The following CTNNA3 variants were observed in gnomAD, a reference collection of about 807,000 sequenced individuals.
CTNNA3 encodes the protein catenin alpha 3.
CTNNA3 carries 76 observed loss-of-function variants against 95.7 expected under a neutral mutation model. The observed-to-expected ratio is 0.79, with a 90% CI of 0.66 to 0.96. The LOEUF (loss-of-function observed/expected upper bound fraction) is 0.96. Among genes scored for constraint, CTNNA3 ranks in the 40% least tolerant of loss-of-function variants. The pLI, the probability that CTNNA3 is intolerant of heterozygous loss-of-function variation, is 0.00. For missense variants in CTNNA3, 1,191 were observed against 1,089.8 expected (o/e 1.09, Z -1.31); for synonymous variants, 431 against 374.4 (o/e 1.15, Z -1.74).
At chr10:67,512,575 C>T (rs1016983995) in intron 5 of CTNNA3, among the ~76,000 whole-genome samples, 2 of 151,918 alleles carry the variant, frequency 1.3e-5, no homozygotes, top group African/African-American at 2.4e-5. Context: ...TAGAAAACTA[C>T]AAAATGATGT....
At chr10:67,727,968 G>A (rs1183179555) in intron 1 of CTNNA3, among the ~76,000 whole-genome samples, 4 of 131,242 alleles carry the variant, frequency 3.0e-5, no homozygotes, top group African/African-American at 1.2e-4. Flanking sequence ...ATATATAATA[G>A]ATGACACATA....
At chr10:66,349,845 C>G (rs2092553468) in intron 12 of CTNNA3, among the ~76,000 whole-genome samples, 2 of 152,004 alleles carry the variant, frequency 1.3e-5, no homozygotes, top group Non-Finnish European at 2.9e-5. Context: ...CTAACCAAAA[C>G]AAATATACTC....
chr10:67,494,043 A>T (rs1347406444), intron 5 of CTNNA3, among the ~76,000 whole-genome samples: 1 of 152,240 alleles, frequency 6.6e-6, no homozygotes, highest in East Asian at 1.9e-4. Flanking sequence ...TTCAGAATAC[A>T]GGATTATTCT....
At chr10:67,108,445 ATT>A (rs556814222) in intron 7 of CTNNA3, among the ~76,000 whole-genome samples, 2 of 152,088 alleles carry the variant, frequency 1.3e-5, no homozygotes, top group Non-Finnish European at 2.9e-5. Context: ...ATATAATGAT[ATT>A]TTGATATTTT....
chr10:66,485,386 T>C (rs1301434427), intron 11 of CTNNA3, among the ~76,000 whole-genome samples: 1 of 152,080 alleles, frequency 6.6e-6, no homozygotes, highest in Non-Finnish European at 1.5e-5. Flanking sequence ...AAAAACAAAT[T>C]CAGTAAAGTT....
rs1336614457 is a variant in CTNNA3 at position 66,543,903 on chromosome 10, GTGTGTGTGTATATATATATATATATA to G, written c.1375-23156_1375-23131del. On this transcript the variant is annotated intron_variant, in intron 10 of 17. Coordinates refer to ENST00000433211, the MANE Select transcript of CTNNA3 (RefSeq NM_013266.4). ...ATTTAGCTAATCCTTCTTGAGATGT[GTGTGTGTGTATATATATATATATATA>G]TATATATATATATATATATATATAT... 5.4e-3 allele frequency among the ~76,000 whole-genome samples: 240 copies of G among 44,658 alleles called. 3 individuals are homozygous for G. The highest frequency in any genetic ancestry group is 0.011 in the African/African-American group (211 of 18,634). The allele number at this position is 44,658 out of a possible 152,430, so 29.3% of individuals were successfully genotyped here.
chr10:66,044,551 T>C (rs1471967090), intron 15 of CTNNA3, among the ~76,000 whole-genome samples: 1 of 152,198 alleles, frequency 6.6e-6, no homozygotes, highest in African/African-American at 2.4e-5. Context: ...TATCCCGCCA[T>C]GAATTAGCTA....
At chr10:66,734,968 A>C (rs72800789) in intron 9 of CTNNA3, among the ~76,000 whole-genome samples, 11,819 of 151,608 alleles carry the variant, frequency 0.078, 716 homozygotes, top group East Asian at 0.23. Flanking sequence ...AGTTCTTATG[A>C]ATTTGTTTTA....
intron 6 of CTNNA3, among the ~76,000 whole-genome samples, chr10:67,214,075 G>A (rs1864250455): frequency 6.6e-6 from 1 of 151,684 alleles, no homozygotes; most frequent in Admixed American, 6.6e-5. Flanking sequence ...TATATTCTAA[G>A]CTGTCAGTCT....
At chr10:67,153,624 C>T (rs76110324) in intron 7 of CTNNA3, among the ~76,000 whole-genome samples, 2,403 of 152,230 alleles carry the variant, frequency 0.016, 26 homozygotes, top group Non-Finnish European at 0.023. Flanking sequence ...ATTCAAAACA[C>T]CAGAATTATT....
At chr10:67,042,973 C>T (rs1183022087) in intron 7 of CTNNA3, among the ~76,000 whole-genome samples, 2 of 152,034 alleles carry the variant, frequency 1.3e-5, no homozygotes, top group African/African-American at 4.8e-5. Flanking sequence ...GCAGCTAGGT[C>T]TCCATACCTG....
chr10:65,957,812 C>T (rs1200688506), intron 17 of CTNNA3, among the ~76,000 whole-genome samples: 1 of 152,092 alleles, frequency 6.6e-6, no homozygotes, highest in African/African-American at 2.4e-5. Flanking sequence ...TCTGGTTGCC[C>T]TTAATTTTTT....
At chr10:66,457,991 G>A (rs1380419443) in intron 11 of CTNNA3, among the ~76,000 whole-genome samples, 1 of 152,128 alleles carries the variant, frequency 6.6e-6, no homozygotes, top group East Asian at 1.9e-4. Flanking sequence ...TCATGTTCCA[G>A]GAATATCTCA....
At chr10:67,449,067 G>A (rs947843062) in intron 5 of CTNNA3, among the ~76,000 whole-genome samples, 7 of 151,638 alleles carry the variant, frequency 4.6e-5, no homozygotes, top group South Asian at 2.1e-4. Context: ...CAAATCAGCC[G>A]AATCTCATTT....
intron 7 of CTNNA3, among the ~76,000 whole-genome samples, chr10:66,847,487 G>A (rs976758410): frequency 2.0e-5 from 3 of 152,210 alleles, no homozygotes; most frequent in East Asian, 1.9e-4. Flanking sequence ...TAGCCAAACC[G>A]TTTGCATTTG....
intron 12 of CTNNA3, among the ~76,000 whole-genome samples, chr10:66,327,266 C>G (rs2132306004): frequency 1.3e-5 from 2 of 152,202 alleles, no homozygotes; most frequent in Middle Eastern, 6.8e-3. Flanking sequence ...TTCCTGCTAT[C>G]AATTTTCTAC....
chr10:66,908,234 C>A (rs1846074206), intron 7 of CTNNA3, among the ~76,000 whole-genome samples: 1 of 152,174 alleles, frequency 6.6e-6, no homozygotes, highest in South Asian at 2.1e-4. Flanking sequence ...GAAAACTTTG[C>A]CCTTTAGTAT....
At chr10:66,542,057 C>A (rs539847199) in intron 10 of CTNNA3, among the ~76,000 whole-genome samples, 33 of 152,152 alleles carry the variant, frequency 2.2e-4, no homozygotes, top group Non-Finnish European at 4.3e-4. Flanking sequence ...AAACAAACAA[C>A]CCCATCAAAA....
At chr10:66,567,640 T>C (rs1429205485) in intron 10 of CTNNA3, among the ~76,000 whole-genome samples, 2 of 151,552 alleles carry the variant, frequency 1.3e-5, no homozygotes, top group African/African-American at 4.8e-5. Context: ...AAAATAAAAA[T>C]AAACGAGAGA....
Sources: gnomAD v4.1 joint callset for allele counts (sites outside exome capture counted in the v4.1 genomes callset) on GRCh38, gnomAD v4.1.1 for gene constraint, MANE v1.5 for transcripts, NCBI Gene and HGNC (gene_info 2026-07-23, HGNC 2026-07-21) for gene names.